PDE3A: variants seen among roughly 807,000 people sequenced by gnomAD.
PDE3A encodes the protein phosphodiesterase 3A, also known as cGMP-inhibited 3',5'-cyclic phosphodiesterase 3A.
Under a neutral mutation model 98.3 loss-of-function variants are expected in PDE3A, and 43 were observed. The observed-to-expected ratio is 0.44, with a 90% CI of 0.34 to 0.56. PDE3A has a LOEUF of 0.56. Ranked by LOEUF, PDE3A falls within the 20% of genes least tolerant of loss-of-function variation. The pLI is 0.01. For missense variants in PDE3A, 1,427 were observed against 1,440.7 expected (o/e 0.99, Z 0.15); for synonymous variants, 663 against 567.9 (o/e 1.17, Z -2.38).
chr12:20,438,687 C>T (rs1300835867), intron 1 of PDE3A, among the ~76,000 whole-genome samples: 1 of 151,942 alleles, frequency 6.6e-6, no homozygotes, highest in Non-Finnish European at 1.5e-5. Context: ...ATGTGCCTTG[C>T]TTCTAGTCCA....
chr12:20,588,989 T>G (rs954730327), intron 2 of PDE3A, among the ~76,000 whole-genome samples: 1 of 152,258 alleles, frequency 6.6e-6, no homozygotes, highest in African/African-American at 2.4e-5. Flanking sequence ...GTGGCGCCAT[T>G]TGGGCTCCCT....
At chr12:20,433,974 T>A (rs1944739611) in intron 1 of PDE3A, among the ~76,000 whole-genome samples, 1 of 152,308 alleles carries the variant, frequency 6.6e-6, no homozygotes, top group South Asian at 2.1e-4. Context: ...GATCGATTAC[T>A]TATTTCCACT....
At position 20,607,325 on chromosome 12, in the gene PDE3A, T is replaced by C. The variant is rs1943734747; in HGVS notation, c.1012-6118T>C. On this transcript the variant is annotated intron_variant, in intron 2 of 15. Coordinates refer to ENST00000359062, the MANE Select transcript of PDE3A (RefSeq NM_000921.5). ...GGTGGTGTGAGTCTCTAGTATCAGC[T>C]GCTAGGGAGGCTGAGGTTGGAGGAT... Among the ~76,000 whole-genome samples the C allele has an allele frequency of 2.0e-5, 3 of 151,440 alleles. No individual in the cohort carries two copies. In the South Asian group the frequency reaches 6.3e-4, roughly 32 times the overall value.
chr12:20,439,415 T>C (rs1944831370), intron 1 of PDE3A, among the ~76,000 whole-genome samples: 1 of 152,214 alleles, frequency 6.6e-6, no homozygotes, highest in Non-Finnish European at 1.5e-5. Context: ...TTTATTATAC[T>C]CATTGATTCT....
In PDE3A at chr12:20,615,658, A is replaced by G. The variant is rs527411393; in HGVS notation, c.1270-572A>G. On this transcript the variant is annotated intron_variant, in intron 3 of 15. Transcript: ENST00000359062. Reference sequence around the variant, plus strand: ...TATAAAATTATCCCAGAGGCAATTGACTCTCACTCCTATAATCACATATTT... The same window carrying G: ...TATAAAATTATCCCAGAGGCAATTGGCTCTCACTCCTATAATCACATATTT... Among the ~76,000 whole-genome samples the G allele has an allele frequency of 3.3e-5, 5 of 151,994 alleles. No individual in the cohort carries two copies. In the East Asian group the frequency reaches 9.7e-4, roughly 29 times the overall value.
chr12:20,656,548 G>A (rs1945048548), intron 15 of PDE3A, among the ~76,000 whole-genome samples: 1 of 152,156 alleles, frequency 6.6e-6, no homozygotes, highest in South Asian at 2.1e-4. Context: ...TAGAAAATTT[G>A]TACTAATCTT....
intron 14 of PDE3A, among the ~76,000 whole-genome samples, chr12:20,651,310 A>G (rs1365084194): frequency 6.6e-6 from 1 of 152,164 alleles, no homozygotes; most frequent in African/African-American, 2.4e-5. Context: ...ACTCTTAAAA[A>G]GAATGTGGAG....
chr12:20,554,837 C>G (rs1000127928), intron 1 of PDE3A, among the ~76,000 whole-genome samples: 1 of 152,072 alleles, frequency 6.6e-6, no homozygotes, highest in Non-Finnish European at 1.5e-5. Context: ...TTGAATAATT[C>G]ATCAAATACA....
chr12:20,582,587 TAATTA>T (rs1321907736), intron 2 of PDE3A, among the ~76,000 whole-genome samples: 3 of 152,160 alleles, frequency 2.0e-5, no homozygotes, highest in Non-Finnish European at 4.4e-5. Flanking sequence ...ATATAGTAGA[TAATTA>T]AATTTAGAAT....
At chr12:20,451,429 A>C (rs1945063724) in intron 1 of PDE3A, among the ~76,000 whole-genome samples, 1 of 152,088 alleles carries the variant, frequency 6.6e-6, no homozygotes, top group Non-Finnish European at 1.5e-5. Flanking sequence ...GTGTGCCACC[A>C]CACCCAGCTA....
Position 20,432,863 on chromosome 12 carries a change from CT to C in PDE3A, c.960+62628del, listed in dbSNP as rs372598487. ...TAATCAAAATGTATCTTTCAGTATG[CT>C]TTTTTTTTGTGCTGGAGTAGAAAAC... On this transcript the variant is annotated intron_variant, in intron 1 of 15. Coordinates refer to ENST00000359062, the MANE Select transcript of PDE3A (RefSeq NM_000921.5). 5.7e-3 allele frequency among the ~76,000 whole-genome samples: 862 copies of C among 150,964 alleles called. 16 individuals carry two copies. The highest frequency in any genetic ancestry group is 0.019 in the African/African-American group (789 of 41,162).
intron 1 of PDE3A, among the ~76,000 whole-genome samples, chr12:20,550,500 G>A (rs1244977046): frequency 6.6e-6 from 1 of 151,976 alleles, no homozygotes; most frequent in African/African-American, 2.4e-5. Context: ...TATTGCTTGT[G>A]AACCATATTA....
At chr12:20,513,094 AATGT>A (rs1946258070) in intron 1 of PDE3A, among the ~76,000 whole-genome samples, 1 of 152,080 alleles carries the variant, frequency 6.6e-6, no homozygotes, top group Admixed American at 6.6e-5. Flanking sequence ...CTTTTAACAT[AATGT>A]ATGCCCTTGA....
At chr12:20,597,862 T>C (rs1943502332) in intron 2 of PDE3A, among the ~76,000 whole-genome samples, 1 of 150,448 alleles carries the variant, frequency 6.6e-6, no homozygotes, top group Non-Finnish European at 1.5e-5. Flanking sequence ...ATTTGTCAAA[T>C]GAATGAAGAA....
At chr12:20,625,211 G>A (rs1202297140) in intron 5 of PDE3A, among the ~76,000 whole-genome samples, 8 of 152,018 alleles carry the variant, frequency 5.3e-5, no homozygotes, top group Admixed American at 5.2e-4. Flanking sequence ...AATCACATAG[G>A]ACTCCTTTAA....
intron 1 of PDE3A, among the ~76,000 whole-genome samples, chr12:20,432,395 A>C (rs1371572427): frequency 2.6e-5 from 4 of 152,166 alleles, no homozygotes; most frequent in African/African-American, 9.7e-5. Context: ...TATATTGCCT[A>C]CAGTTAACAG....
chr12:20,656,754 G>C (rs1945053307), intron 15 of PDE3A, among the ~76,000 whole-genome samples: 1 of 152,124 alleles, frequency 6.6e-6, no homozygotes, highest in Non-Finnish European at 1.5e-5. Flanking sequence ...GAAAAGCTTT[G>C]TTCCCAGGGG....
chr12:20,496,061 G>T (rs1167314073), intron 1 of PDE3A, among the ~76,000 whole-genome samples: 2 of 152,086 alleles, frequency 1.3e-5, no homozygotes, highest in Admixed American at 1.3e-4. Flanking sequence ...CTTAATGTCA[G>T]TACAAATAAG....
chr12:20,606,478 C>T (rs929910459), intron 2 of PDE3A, among the ~76,000 whole-genome samples: 20 of 152,048 alleles, frequency 1.3e-4, no homozygotes, highest in Admixed American at 2.6e-4. Context: ...CACGCAAATA[C>T]CTTTTGACCT....
Sources: gnomAD v4.1 joint callset for allele counts (sites outside exome capture counted in the v4.1 genomes callset) on GRCh38, gnomAD v4.1.1 for gene constraint, MANE v1.5 for transcripts, NCBI Gene and HGNC (gene_info 2026-07-23, HGNC 2026-07-21) for gene names.